CCDC150: variants seen among roughly 807,000 people sequenced by gnomAD.
CCDC150 encodes coiled-coil domain-containing protein 150.
CCDC150 carries 151 observed loss-of-function variants against 156.5 expected under a neutral mutation model. The ratio of observed to expected loss-of-function variants is 0.97; its 90% CI spans 0.85 to 1.10. The LOEUF (loss-of-function observed/expected upper bound fraction) is 1.10. CCDC150 is among the 50% of genes least tolerant of loss of function. CCDC150 has a pLI of 0.00. For synonymous variants in CCDC150, 452 were observed against 429.4 expected, an observed-to-expected ratio of 1.05 and a Z score of -0.65; for missense variants, 1,312 against 1,268.1, an observed-to-expected ratio of 1.03 and a Z score of -0.53.
At chr2:196,675,146 G>A (rs1008951905) in intron 10 of CCDC150, among the ~76,000 whole-genome samples, 2 of 151,896 alleles carry the variant, frequency 1.3e-5, no homozygotes, top group Non-Finnish European at 2.9e-5. Context: ...TCATTTCCTG[G>A]ATTACACTGT....
chr2:196,670,007 A>C, intron 8 of CCDC150, 131 bp downstream of exon 8: 1 of 590,882 alleles, frequency 1.7e-6, no homozygotes, highest in Non-Finnish European at 3.0e-6. Context: ...CATGTAAATG[A>C]GTAGTATATT....
chr2:196,669,782 T>G (rs1694082641), intron 7 of CCDC150, 51 bp from the exon 8 acceptor site: 1 of 1,250,692 alleles, frequency 8.0e-7, no homozygotes, highest in African/African-American at 1.5e-5. Context: ...CTATGTGATT[T>G]TAATGTAGCA....
At chr2:196,718,856 T>C (rs1697706314) in intron 18 of CCDC150, among the ~76,000 whole-genome samples, 1 of 152,210 alleles carries the variant, frequency 6.6e-6, no homozygotes, top group African/African-American at 2.4e-5. Context: ...CTTTCTGTCT[T>C]AAATACTCAA....
Position 196,726,082 on chromosome 2 carries a change from C to T in CCDC150, c.2539C>T (p.Gln847Ter), listed in dbSNP as rs1463908870. The T allele has an allele frequency of 1.9e-6, 3 of 1,613,054 alleles. No individual in the cohort carries two copies. The African/African-American group carries it at 4.0e-5, about 22-fold the overall frequency. The change falls in exon 22 of 28, where the codon CAA (glutamine) becomes TAA (stop). Residue 847 changes from glutamine to a stop codon, truncating the protein, a stop_gained. Coordinates refer to ENST00000389175, the MANE Select transcript of CCDC150 (RefSeq NM_001080539.2). LOFTEE classifies it high-confidence loss of function. ...TERETTKKVA[Q>*]REVAELKKAL... ...GAGAGAAACTACAAAGAAAGTGGCA[C>T]AACGGGAAGTGGCTGAGGTATAGTC... is the stretch of plus-strand genomic sequence containing the variant.
intron 2 of CCDC150, 105 bp downstream of exon 2, chr2:196,646,609 G>A: frequency 1.2e-6 from 1 of 822,526 alleles, no homozygotes. Flanking sequence ...AAAGAACTGA[G>A]AAATAATTTT....
At chr2:196,719,279 G>A in intron 18 of CCDC150, 2 of 393,064 alleles carry the variant, frequency 5.1e-6, no homozygotes, top group Middle Eastern at 7.1e-4. Flanking sequence ...TTGGGAAGCT[G>A]CAGAGTTCAC....
At chr2:196,653,413 A>G (rs1363634897) in intron 2 of CCDC150, among the ~76,000 whole-genome samples, 1 of 152,220 alleles carries the variant, frequency 6.6e-6, no homozygotes, top group African/African-American at 2.4e-5. Flanking sequence ...ACCCTAGGAC[A>G]TCACTCTTAA....
intron 22 of CCDC150, chr2:196,726,300 C>A: frequency 2.1e-6 from 1 of 476,250 alleles, no homozygotes; most frequent in Non-Finnish European, 3.7e-6. Context: ...CAAAGGTGTG[C>A]CTTGATGGGA....
intron 13 of CCDC150, among the ~76,000 whole-genome samples, chr2:196,680,780 A>G (rs967982656): frequency 6.6e-6 from 1 of 152,198 alleles, no homozygotes; most frequent in Non-Finnish European, 1.5e-5. Flanking sequence ...CATGTTTATC[A>G]TTTTGAGAAA....
chr2:196,719,761 T>G (rs1176308807), intron 19 of CCDC150, 95 bp downstream of exon 19: 2 of 820,684 alleles, frequency 2.4e-6, no homozygotes, highest in Non-Finnish European at 3.4e-6. Flanking sequence ...TGTAGCTTCC[T>G]TTACAAAAAA....
rs1486695518 is a variant in CCDC150, at chr2:196,658,779, C to T, written c.577-13C>T. 2 of 1,575,624 alleles carry T rather than the reference C, an allele frequency of 1.3e-6. No individual in the cohort carries two copies. The highest frequency in any genetic ancestry group is 2.3e-5 in the East Asian group (1 of 44,308). ...TTCAGATTATTTAGAATCTTTTCTC[C>T]TTCTACTTTTAGAAGAATGCAGCCA... On this transcript the variant is annotated splice_polypyrimidine_tract_variant and intron_variant, in intron 4 of 27. Transcript: ENST00000389175.
chr2:196,726,509 G>A, intron 22 of CCDC150: 1 of 156,094 alleles, frequency 6.4e-6, no homozygotes, highest in Admixed American at 6.3e-5. Context: ...CCCTTGTTTG[G>A]GATCTCCACT....
chr2:196,732,070 AGCACAG>A lies in CCDC150; in HGVS notation c.3109_3114del (p.His1037_Arg1038del). The A allele has an allele frequency of 6.2e-7, 1 of 1,613,870 alleles. No homozygotes were observed. Among genetic ancestry groups the A allele is most frequent in the Non-Finnish European group, 8.5e-7 (1 of 1,179,788 alleles). On this transcript the variant is annotated inframe_deletion, in exon 27 of 28. Transcript: ENST00000389175. ...CTGGAAGAAGCTCATCGCTGGTTTA[AGCACAG>A]GTTTGATGGTCTACAACTTGAGCTG...
chr2:196,729,933 G>A, intron 24 of CCDC150, 24 bp from the exon 25 acceptor site: 1 of 1,609,316 alleles, frequency 6.2e-7, no homozygotes. Flanking sequence ...TTCACCAAAT[G>A]TCTCTGTCTT....
Position 196,676,176 on chromosome 2 carries a change from G to C in CCDC150, c.1171G>C (p.Glu391Gln). Residue 391 changes from glutamate (E) to glutamine (Q), a missense_variant, in exon 11 of 28, where the codon GAA becomes CAA. By Grantham distance (29) the Glu-to-Gln change is conservative. Transcript: ENST00000389175. ...EQKMMTQTFQ[E>Q]QNLLLDAAHA... is the part of the protein sequence containing the mutation. ...GAAAATGATGACGCAGACATTTCAA[G>C]AACAAAACTTATTGCTGGATGCAGC... is the stretch of plus-strand genomic sequence containing the variant. The C allele has an allele frequency of 6.2e-7, 1 of 1,613,630 alleles. No homozygotes were observed. Among genetic ancestry groups the C allele is most frequent in the African/African-American group, 1.3e-5 (1 of 75,018 alleles).
At chr2:196,704,360 T>C (rs994036259) in intron 15 of CCDC150, among the ~76,000 whole-genome samples, 2 of 152,176 alleles carry the variant, frequency 1.3e-5, no homozygotes, top group African/African-American at 4.8e-5. Flanking sequence ...TAGTTCTTAA[T>C]TGCTTGCAAA....
chr2:196,666,908 A>T, intron 7 of CCDC150, 60 bp downstream of exon 7: 1 of 1,586,470 alleles, frequency 6.3e-7, no homozygotes, highest in Non-Finnish European at 8.7e-7. Context: ...TCATGGAAAA[A>T]CTCTTAAGAT....
chr2:196,712,593 A>C, intron 16 of CCDC150, 84 bp from the exon 17 acceptor site: 1 of 834,576 alleles, frequency 1.2e-6, no homozygotes, highest in Non-Finnish European at 2.0e-6. Flanking sequence ...GAGTAGAAGC[A>C]GTGAGAAATG....
chr2:196,673,926 T>C (rs1254633841), intron 9 of CCDC150, among the ~76,000 whole-genome samples: 1 of 152,202 alleles, frequency 6.6e-6, no homozygotes, highest in Non-Finnish European at 1.5e-5. Flanking sequence ...ACTGACATTG[T>C]AAATTCCATT....
Sources: allele counts gnomAD v4.1 joint callset (sites outside exome capture counted in the v4.1 genomes callset), GRCh38; gene constraint gnomAD v4.1.1; transcripts MANE v1.5; gene names NCBI Gene and HGNC (gene_info 2026-07-23, HGNC 2026-07-21).